SMCO2: variants seen among roughly 807,000 people sequenced by gnomAD.
The protein encoded by SMCO2 is single-pass membrane protein with coiled-coil domains 2.
Under a neutral mutation model 29.5 loss-of-function variants are expected in SMCO2, and 25 were observed. The ratio of observed to expected loss-of-function variants is 0.85; its 90% CI spans 0.62 to 1.18. SMCO2 has a LOEUF of 1.18. Ranked by LOEUF, SMCO2 falls within the 50% of genes most tolerant of loss-of-function variation. The pLI is 0.00. For synonymous variants in SMCO2, 117 were observed against 123.3 expected, an observed-to-expected ratio of 0.95 and a Z score of 0.34; for missense variants, 348 against 344.5, an observed-to-expected ratio of 1.01 and a Z score of -0.08.
chr12:27,431,974 T>A, the SMCO2 span, among the ~76,000 whole-genome samples: 1 of 152,222 alleles, frequency 6.6e-6, no homozygotes, highest in Non-Finnish European at 1.5e-5. Context: ...GTAGCCATCC[T>A]AATGGGTGTG....
Position 27,474,076 on chromosome 12 carries a change from C to T in SMCO2, c.235-710C>T, listed in dbSNP as rs553265718. Among the ~76,000 whole-genome samples the T allele has an allele frequency of 3.3e-5, 5 of 152,254 alleles. No homozygotes were observed. In the South Asian group the frequency reaches 1.0e-3, roughly 32 times the overall value. On this transcript the variant is annotated intron_variant, in intron 3 of 7. Coordinates refer to ENST00000298876, the Ensembl canonical transcript of SMCO2. ...AACTTAGAATTATGCAATGATTAACCATATTCCTACACCTGTATTTAAAAA... is the reference window on the plus strand; with the variant it reads ...AACTTAGAATTATGCAATGATTAACTATATTCCTACACCTGTATTTAAAAA...
chr12:27,436,519 G>C, the SMCO2 span, among the ~76,000 whole-genome samples: 3 of 152,006 alleles, frequency 2.0e-5, no homozygotes, highest in Admixed American at 1.3e-4. Flanking sequence ...GAAGAGGAGA[G>C]GGGTAGAAAA....
At chr12:27,434,142 T>A in the SMCO2 span, among the ~76,000 whole-genome samples, 3 of 152,264 alleles carry the variant, frequency 2.0e-5, no homozygotes, top group Admixed American at 2.0e-4. Context: ...ACAGAATCCA[T>A]CAAAAATAAA....
At chr12:27,432,717 T>G in the SMCO2 span, among the ~76,000 whole-genome samples, 1 of 152,186 alleles carries the variant, frequency 6.6e-6, no homozygotes, top group African/African-American at 2.4e-5. Context: ...AGGTGACACA[T>G]GACATGAAAT....
chr12:27,450,408 A>G, the SMCO2 span, among the ~76,000 whole-genome samples: 1 of 152,124 alleles, frequency 6.6e-6, no homozygotes, highest in Non-Finnish European at 1.5e-5. Context: ...CCTCATTACA[A>G]ATGAATTTTA....
the SMCO2 span, among the ~76,000 whole-genome samples, chr12:27,459,397 C>G: frequency 6.6e-6 from 1 of 152,100 alleles, no homozygotes; most frequent in South Asian, 2.1e-4. Flanking sequence ...CACATGTTCT[C>G]ACTTACAAGT....
the SMCO2 span, among the ~76,000 whole-genome samples, chr12:27,460,673 C>T: frequency 6.6e-6 from 1 of 152,032 alleles, no homozygotes; most frequent in African/African-American, 2.4e-5. Flanking sequence ...GAGGCAGGCA[C>T]ACTCGGGGTA....
At chr12:27,488,493 A>G in exon 5 of SMCO2, 1 of 1,538,692 alleles carries the variant, frequency 6.5e-7, no homozygotes, top group East Asian at 2.5e-5. Flanking sequence ...TGAAGGGTCA[A>G]ATTGAAAAGC....
At chr12:27,479,219 G>T (rs1038613050) in intron 4 of SMCO2, among the ~76,000 whole-genome samples, 1 of 152,118 alleles carries the variant, frequency 6.6e-6, no homozygotes, top group South Asian at 2.1e-4. Context: ...AGGCAGGCCT[G>T]GTTGGCTGAT....
At chr12:27,498,977 G>T (rs746943656) in intron 7 of SMCO2, among the ~76,000 whole-genome samples, 5 of 150,612 alleles carry the variant, frequency 3.3e-5, no homozygotes, top group Non-Finnish European at 7.4e-5. Flanking sequence ...TGGAACCCTC[G>T]TATATCACTG....
chr12:27,463,173 A>G (rs1949471738), upstream of SMCO2, among the ~76,000 whole-genome samples: 1 of 152,284 alleles, frequency 6.6e-6, no homozygotes, highest in Non-Finnish European at 1.5e-5. Flanking sequence ...TGCGACTATG[A>G]GGATGCCCTG....
At chr12:27,492,108 T>C (rs1942923354) in intron 5 of SMCO2, among the ~76,000 whole-genome samples, 1 of 152,250 alleles carries the variant, frequency 6.6e-6, no homozygotes, top group Admixed American at 6.5e-5. Flanking sequence ...CGTTTTAGTA[T>C]ATTTATATTC....
chr12:27,474,138 A>G (rs1949564157), intron 3 of SMCO2, among the ~76,000 whole-genome samples: 1 of 152,206 alleles, frequency 6.6e-6, no homozygotes, highest in Non-Finnish European at 1.5e-5. Context: ...ATCTTTGTGT[A>G]TATAAATAGA....
intron 5 of SMCO2, among the ~76,000 whole-genome samples, chr12:27,493,642 T>C (rs1942960357): frequency 6.6e-6 from 1 of 152,226 alleles, no homozygotes; most frequent in South Asian, 2.1e-4. Context: ...ATCCTGAACG[T>C]CTCTTAGTGG....
chr12:27,445,848 T>A, the SMCO2 span, among the ~76,000 whole-genome samples: 355 of 152,242 alleles, frequency 2.3e-3, no homozygotes, highest in African/African-American at 8.1e-3. Flanking sequence ...TGGTGAGGGC[T>A]CTCTTTCTGG....
chr12:27,424,029 TATTA>T, the SMCO2 span: 4 of 152,262 alleles, frequency 2.6e-5, no homozygotes, highest in African/African-American at 7.2e-5. Context: ...AATAATTTTA[TATTA>T]ATTACATGTT....
chr12:27,466,625 C>T (rs1331327249), upstream of SMCO2, among the ~76,000 whole-genome samples: 3 of 152,002 alleles, frequency 2.0e-5, no homozygotes, highest in East Asian at 1.9e-4. Flanking sequence ...GGACAGAGGG[C>T]TGGGGTGGAA....
chr12:27,492,196 T>C (rs376278826), intron 5 of SMCO2, among the ~76,000 whole-genome samples: 1 of 152,254 alleles, frequency 6.6e-6, no homozygotes, highest in East Asian at 1.9e-4. Context: ...GCAACTGCTA[T>C]GGCACTTAGC....
In SMCO2 at chr12:27,498,100, A is replaced by C. The variant is rs534765822; in HGVS notation, c.683+2245A>C. The C allele has an allele frequency of 4.0e-4, 130 of 325,232 alleles. 7 individuals are homozygous for C. Among genetic ancestry groups the C allele is most frequent in the African/African-American group, 2.8e-3 (123 of 44,302 alleles). 20.1% of individuals were successfully genotyped at this position (325,232 alleles called of 1,614,324 possible). ...CAGAGGAATTGAGTGCTGCTTAGAC[A>C]TCTGTTGCTTATGGCTGTATCAAAT... On this transcript the variant is annotated intron_variant, in intron 7 of 7. Coordinates refer to ENST00000298876, the Ensembl canonical transcript of SMCO2.
Sources: allele counts gnomAD v4.1 joint callset (sites outside exome capture counted in the v4.1 genomes callset), GRCh38; gene constraint gnomAD v4.1.1; transcripts MANE v1.5; gene names NCBI Gene and HGNC (gene_info 2026-07-23, HGNC 2026-07-21).